The following CUX1 variants were observed in gnomAD, a reference collection of about 807,000 sequenced individuals.
The protein encoded by CUX1 is protein CASP.
Under a neutral mutation model 158.8 loss-of-function variants are expected in CUX1, and 31 were observed. The observed-to-expected ratio is 0.20, with a 90% confidence interval of 0.15 to 0.26. The LOEUF (loss-of-function observed/expected upper bound fraction) is 0.26. Ranked by LOEUF, CUX1 falls within the 10% of genes least tolerant of loss-of-function variation. The pLI is 1.00. For synonymous variants in CUX1, 879 were observed against 862.1 expected, an observed-to-expected ratio of 1.02 and a Z score of -0.34; for missense variants, 1,589 against 2,014.6, an observed-to-expected ratio of 0.79 and a Z score of 4.04.
chr7:102,183,010 T>C (rs1793261971), intron 11 of CUX1, among the ~76,000 whole-genome samples: 1 of 152,164 alleles, frequency 6.6e-6, no homozygotes, highest in Admixed American at 6.5e-5. Context: ...TGCTTCTCTT[T>C]CCCCACTCCT....
At chr7:101,948,656 T>C (rs563558500) in intron 2 of CUX1, among the ~76,000 whole-genome samples, 1 of 152,304 alleles carries the variant, frequency 6.6e-6, no homozygotes, top group East Asian at 1.9e-4. Flanking sequence ...CAGGGGCTAC[T>C]GGTTGGTGGC....
intron 1 of CUX1, among the ~76,000 whole-genome samples, chr7:101,855,131 G>A (rs184885293): frequency 6.6e-6 from 1 of 152,322 alleles, no homozygotes; most frequent in Non-Finnish European, 1.5e-5. Context: ...CCCCAGTGCC[G>A]TGGCATCTTA....
chr7:101,854,739 TTTTC>T (rs1248028820), intron 1 of CUX1, among the ~76,000 whole-genome samples: 1 of 152,130 alleles, frequency 6.6e-6, no homozygotes, highest in African/African-American at 2.4e-5. Context: ...ATGGACTCAG[TTTTC>T]TTTCTTTTTT....
At chr7:101,934,849 G>A (rs373023480) in intron 2 of CUX1, among the ~76,000 whole-genome samples, 17 of 152,108 alleles carry the variant, frequency 1.1e-4, no homozygotes, top group African/African-American at 4.1e-4. Flanking sequence ...GTAAACTTTC[G>A]GGTTTTTTTC....
intron 2 of CUX1, among the ~76,000 whole-genome samples, chr7:101,989,649 C>G (rs1814842699): frequency 6.6e-6 from 1 of 152,184 alleles, no homozygotes; most frequent in African/African-American, 2.4e-5. Context: ...GAGATTCTCA[C>G]CGGGGCTTTT....
At chr7:101,912,222 C>G (rs979744566) in intron 1 of CUX1, among the ~76,000 whole-genome samples, 11 of 136,350 alleles carry the variant, frequency 8.1e-5, no homozygotes, top group Non-Finnish European at 1.7e-4. Context: ...TTCCCCCTCC[C>G]CTCTTCCTCC....
intron 2 of CUX1, among the ~76,000 whole-genome samples, chr7:102,019,717 G>A (rs1220854768): frequency 3.9e-5 from 6 of 152,162 alleles, no homozygotes; most frequent in South Asian, 2.1e-4. Context: ...CACGTACCAC[G>A]CAAAAGCCAC....
intron 5 of CUX1, among the ~76,000 whole-genome samples, chr7:102,100,586 C>T (rs1453338830): frequency 2.6e-5 from 4 of 152,176 alleles, no homozygotes; most frequent in African/African-American, 9.7e-5. Context: ...TCCCCCACTT[C>T]CAAGAATAAA....
chr7:102,266,474 A>G (rs1158091514), intron 14 of CUX1, among the ~76,000 whole-genome samples: 1 of 151,968 alleles, frequency 6.6e-6, no homozygotes, highest in Non-Finnish European at 1.5e-5. Context: ...TTGAAATGCC[A>G]GTAGAAGATC....
intron 8 of CUX1, among the ~76,000 whole-genome samples, chr7:102,131,244 G>T (rs1359961614): frequency 6.6e-6 from 1 of 152,108 alleles, no homozygotes; most frequent in Non-Finnish European, 1.5e-5. Flanking sequence ...ATGGAAAAAG[G>T]ACCAGTTGTG....
intron 3 of CUX1, among the ~76,000 whole-genome samples, chr7:102,029,479 G>A (rs1417472490): frequency 6.6e-6 from 1 of 152,126 alleles, no homozygotes; most frequent in African/African-American, 2.4e-5. Flanking sequence ...AGAGCAAGTT[G>A]TCGGGCTTCC....
intron 15 of CUX1, 59 bp downstream of exon 15, chr7:102,197,364 G>A: frequency 1.2e-5 from 18 of 1,515,492 alleles, no homozygotes; most frequent in Non-Finnish European, 1.6e-5. Flanking sequence ...TTGCACATGT[G>A]TGTGTGCATG....
chr7:102,114,737 C>T (rs562012268), intron 7 of CUX1, among the ~76,000 whole-genome samples: 2 of 152,246 alleles, frequency 1.3e-5, no homozygotes, highest in East Asian at 3.9e-4. Context: ...AAATATTAGC[C>T]AAGCGTAGTG....
rs868925963 is a variant in CUX1, at chr7:102,248,236, G to A, written c.3888-176G>A. On this transcript the variant is annotated intron_variant, in intron 23 of 23. Transcript: ENST00000292535. The surrounding 1 kb of genome is among the most constrained non-coding windows in gnomAD (Gnocchi z 5.8). ...GCTCCTGGCCAGGCCCGGAGGGGTG[G>A]GTGGTGACTCTGGAGAGGGGCTGCC... 2.0e-5 allele frequency among the ~76,000 whole-genome samples: 3 copies of A among 152,190 alleles called. No individual in the cohort carries two copies. Among genetic ancestry groups the A allele is most frequent in the Admixed American group, 1.3e-4 (2 of 15,290 alleles).
chr7:102,252,833 G>C lies in CUX1; in HGVS notation c.*3791G>C. 2.0e-6 allele frequency: 2 copies of C among 985,444 alleles called. No individual in the cohort carries two copies. The highest frequency in any genetic ancestry group is 2.4e-6 in the Non-Finnish European group (2 of 829,954). The allele number at this position is 985,444 out of a possible 1,614,324, so 61.0% of individuals were successfully genotyped here. On this transcript the variant is annotated 3_prime_UTR_variant, in exon 24 of 24. Transcript: ENST00000292535. ...GACCTCTCTTTAGAAAGGGTTATCA[G>C]AGCCATGGAGCTTAGCTCAATTGGA... is the stretch of plus-strand genomic sequence containing the variant.
chr7:101,877,756 TTG>T (rs112494807), intron 1 of CUX1, among the ~76,000 whole-genome samples: 8,598 of 148,684 alleles, frequency 0.058, 284 homozygotes, highest in Middle Eastern at 0.072. Context: ...ATCCCTCCAA[TTG>T]TGTGTGTGTG....
intron 11 of CUX1, among the ~76,000 whole-genome samples, chr7:102,180,085 G>A (rs782560733): frequency 6.6e-5 from 10 of 152,066 alleles, no homozygotes; most frequent in Non-Finnish European, 1.3e-4. Context: ...ATGCAATGGC[G>A]CAGTCTTGGC....
At chr7:102,114,218 T>G (rs1831220598) in intron 7 of CUX1, among the ~76,000 whole-genome samples, 1 of 152,230 alleles carries the variant, frequency 6.6e-6, no homozygotes, top group Non-Finnish European at 1.5e-5. Flanking sequence ...TACACACACA[T>G]ATATACATGC....
intron 20 of CUX1, among the ~76,000 whole-genome samples, chr7:102,206,168 T>G (rs1438088523): frequency 6.6e-6 from 1 of 152,038 alleles, no homozygotes; most frequent in East Asian, 1.9e-4. Flanking sequence ...GACCAAACCC[T>G]CATACAGATG....
Sources: gnomAD v4.1 joint callset for allele counts (sites outside exome capture counted in the v4.1 genomes callset) on GRCh38, gnomAD v4.1.1 for gene constraint, Gnocchi (gnomAD v3.1) non-coding constraint, MANE v1.5 for transcripts, NCBI Gene and HGNC (gene_info 2026-07-23, HGNC 2026-07-21) for gene names.